The following SLC7A14 variants were observed in gnomAD, a reference collection of about 807,000 sequenced individuals.
SLC7A14 encodes gamma-aminobutyric acid transporter SLC7A14.
A neutral mutation model predicts 60.2 loss-of-function variants in SLC7A14; 37 were observed. The observed-to-expected ratio is 0.61, with a 90% CI of 0.47 to 0.81. The LOEUF is 0.81. Among genes scored for constraint, SLC7A14 ranks in the 30% least tolerant of loss-of-function variants. The pLI, the probability that SLC7A14 is intolerant of heterozygous loss-of-function variation, is 0.00. For missense variants in SLC7A14, 886 were observed against 982.7 expected, an observed-to-expected ratio of 0.90 and a Z score of 1.32; for synonymous variants, 399 against 395.8, an observed-to-expected ratio of 1.01 and a Z score of -0.10.
At chr3:170,575,445 G>A (rs927348368) in intron 1 of SLC7A14, among the ~76,000 whole-genome samples, 1 of 152,198 alleles carries the variant, frequency 6.6e-6, no homozygotes. Flanking sequence ...CTGTGTTTCT[G>A]AAGAGAATGC....
intron 4 of SLC7A14, among the ~76,000 whole-genome samples, chr3:170,497,431 G>A (rs535406972): frequency 7.3e-6 from 1 of 137,052 alleles, no homozygotes; most frequent in Non-Finnish European, 1.5e-5. Flanking sequence ...ACGGCATGGC[G>A]TGGTTCGGAA....
intron 1 of SLC7A14, among the ~76,000 whole-genome samples, chr3:170,529,875 C>G (rs1415983532): frequency 6.6e-6 from 1 of 152,138 alleles, no homozygotes; most frequent in East Asian, 1.9e-4. Flanking sequence ...TATGCCTCTA[C>G]AAGCAAAGGG....
rs567067226 is a variant in SLC7A14 at position 170,549,902 on chromosome 3, AG to A, written c.-152-22815del. 1.7e-4 allele frequency among the ~76,000 whole-genome samples: 26 copies of A among 152,330 alleles called. 2 individuals carry two copies. The South Asian group carries it at 5.2e-3, about 30-fold the overall frequency. On this transcript the variant is annotated intron_variant, in intron 1 of 7. Coordinates refer to ENST00000231706, the MANE Select transcript of SLC7A14 (RefSeq NM_020949.3). Reference sequence around the variant, plus strand: ...TTTACAAGTAAATCTTTATAATTCCAGGGGCAGAGGTCTGATGGGTGAAAGC... The same window carrying A: ...TTTACAAGTAAATCTTTATAATTCCAGGGCAGAGGTCTGATGGGTGAAAGC...
chr3:170,523,934 G>T (rs62293541), intron 2 of SLC7A14, among the ~76,000 whole-genome samples: 28,642 of 152,174 alleles, frequency 0.19, 3,252 homozygotes, highest in Middle Eastern at 0.31. Context: ...ATTGGCATAA[G>T]TTATGATATT....
intron 2 of SLC7A14, among the ~76,000 whole-genome samples, chr3:170,518,183 A>G (rs989454475): frequency 2.6e-5 from 4 of 152,160 alleles, no homozygotes; most frequent in South Asian, 4.1e-4. Flanking sequence ...GATGGGAAGG[A>G]GGTGCTACAT....
rs545934825 is a variant in SLC7A14, at chr3:170,539,553, A to G, written c.-152-12465T>C. Among the ~76,000 whole-genome samples the G allele has an allele frequency of 2.0e-5, 3 of 152,206 alleles. No individual in the cohort carries two copies. In the South Asian group the frequency reaches 6.2e-4, roughly 32 times the overall value. On this transcript the variant is annotated intron_variant, in intron 1 of 7. Coordinates refer to ENST00000231706, the MANE Select transcript of SLC7A14 (RefSeq NM_020949.3). ...TTATTTATTTAGTTTCGAGTAATTTATCTTGATTTGACATTTAATTGTTTA... is the reference window on the plus strand; with the variant it reads ...TTATTTATTTAGTTTCGAGTAATTTGTCTTGATTTGACATTTAATTGTTTA...
chr3:170,573,635 T>A (rs1577573400), intron 1 of SLC7A14, among the ~76,000 whole-genome samples: 1 of 152,190 alleles, frequency 6.6e-6, no homozygotes, highest in Non-Finnish European at 1.5e-5. Flanking sequence ...AAAGACTAGA[T>A]AAAGTCTCCA....
chr3:170,543,190 A>G (rs146573313), intron 1 of SLC7A14, among the ~76,000 whole-genome samples: 155 of 152,268 alleles, frequency 1.0e-3, no homozygotes, highest in Non-Finnish European at 1.5e-3. Flanking sequence ...TGATGACATA[A>G]AATCCCTGTG....
Position 170,483,344 on chromosome 3 carries a change from T to C in SLC7A14, c.1085A>G (p.Tyr362Cys). The C allele has an allele frequency of 6.2e-7, 1 of 1,614,106 alleles. No homozygotes were observed. The highest frequency in any genetic ancestry group is 8.5e-7 in the Non-Finnish European group (1 of 1,180,012). ...GSLFPMPRVI[Y>C]AMAGDGLLFR... Reference sequence around the variant, plus strand: ...AAGGAGCCCGTCACCAGCCATGGCATAAATGACCCTCGGCATCGGGAAGAG... The same window carrying C: ...AAGGAGCCCGTCACCAGCCATGGCACAAATGACCCTCGGCATCGGGAAGAG... The change falls in exon 6 of 8, where the codon TAT becomes TGT. Residue 362 changes from tyrosine (Y) to cysteine (C), a missense_variant. Tyr to Cys is a radical substitution (Grantham distance 194). Transcript: ENST00000231706.
intron 1 of SLC7A14, among the ~76,000 whole-genome samples, chr3:170,541,095 CT>C (rs11309000): frequency 0.03 from 4,594 of 152,216 alleles, 237 homozygotes; most frequent in African/African-American, 0.1. Flanking sequence ...GGAATATAAA[CT>C]GATATAAATG....
intron 1 of SLC7A14, among the ~76,000 whole-genome samples, chr3:170,557,888 G>C (rs141044719): frequency 5.8e-4 from 88 of 152,272 alleles, no homozygotes; most frequent in Middle Eastern, 3.4e-3. Flanking sequence ...TAGTGATCTT[G>C]AGCAAGACTT....
In SLC7A14 at chr3:170,526,932, C is replaced by T. The variant is rs763378150; in HGVS notation, c.5G>A (p.Ser2Asn). M[S>N]GFFTSLDPRR... ...GGGGTCCAGCGAGGTGAAGAAGCCA[C>T]TCATCTTGAGCGATAGGGGATGCAG... The change falls in exon 2 of 8, where the codon AGT becomes AAT. Residue 2 changes from serine to asparagine, a missense_variant. By Grantham distance (46) the Ser-to-Asn change is conservative. Transcript: ENST00000231706. 1.9e-6 allele frequency: 3 copies of T among 1,612,448 alleles called. No individual in the cohort carries two copies. Among genetic ancestry groups the T allele is most frequent in the Middle Eastern group, 1.7e-4 (1 of 5,914 alleles).
Position 170,545,754 on chromosome 3 carries a change from A to G in SLC7A14, c.-152-18666T>C, listed in dbSNP as rs182214289. 1.2e-3 allele frequency among the ~76,000 whole-genome samples: 186 copies of G among 152,362 alleles called. 1 individual carries two copies. The highest frequency in any genetic ancestry group is 4.2e-3 in the African/African-American group (175 of 41,586). ...CTTCTCCTGCCAAGAAAACTTTTCA[A>G]TTAGGTTCACATTAGCTGATATTAT... On this transcript the variant is annotated intron_variant, in intron 1 of 7. Coordinates refer to ENST00000231706, the MANE Select transcript of SLC7A14 (RefSeq NM_020949.3).
At position 170,517,299 on chromosome 3, in the gene SLC7A14, T is replaced by G. The variant is rs368787449; in HGVS notation, c.304+9334A>C. ...GTATTGGGACATTTGAGACAGCTAGTCTTTCAGAGATTTGAGGACTGGCAT... is the reference window on the plus strand; with the variant it reads ...GTATTGGGACATTTGAGACAGCTAGGCTTTCAGAGATTTGAGGACTGGCAT... On this transcript the variant is annotated intron_variant, in intron 2 of 7. Coordinates refer to ENST00000231706, the MANE Select transcript of SLC7A14 (RefSeq NM_020949.3). 5.9e-5 allele frequency among the ~76,000 whole-genome samples: 9 copies of G among 152,354 alleles called. No individual in the cohort carries two copies. The South Asian group carries it at 1.9e-3, about 32-fold the overall frequency.
intron 1 of SLC7A14, among the ~76,000 whole-genome samples, chr3:170,578,167 G>T (rs192795139): frequency 1.8e-3 from 273 of 152,348 alleles, no homozygotes; most frequent in African/African-American, 6.3e-3. Context: ...TCTATTTCTG[G>T]TGGTGTGGCT....
At chr3:170,555,291 A>G (rs2108307299) in intron 1 of SLC7A14, among the ~76,000 whole-genome samples, 1 of 152,070 alleles carries the variant, frequency 6.6e-6, no homozygotes, top group South Asian at 2.1e-4. Context: ...ATAATCACCC[A>G]TATTCCACTC....
intron 4 of SLC7A14, 39 bp from the exon 5 acceptor site, chr3:170,486,407 G>T (rs1188075258): frequency 1.2e-6 from 2 of 1,613,780 alleles, no homozygotes; most frequent in African/African-American, 1.3e-5. Context: ...CAGAAGATCG[G>T]GGTGGCACCT....
At chr3:170,554,949 A>G (rs1248874906) in intron 1 of SLC7A14, among the ~76,000 whole-genome samples, 2 of 152,052 alleles carry the variant, frequency 1.3e-5, no homozygotes, top group Admixed American at 6.6e-5. Flanking sequence ...TGGGCAGATC[A>G]TCAGGTCAGG....
intron 1 of SLC7A14, among the ~76,000 whole-genome samples, chr3:170,545,656 A>G (rs1462204173): frequency 1.3e-5 from 2 of 152,250 alleles, no homozygotes; most frequent in African/African-American, 4.8e-5. Context: ...TATGCCATAT[A>G]AACAAAAGTG....
Sources: allele counts gnomAD v4.1 joint callset (sites outside exome capture counted in the v4.1 genomes callset), GRCh38; gene constraint gnomAD v4.1.1; transcripts MANE v1.5; gene names NCBI Gene and HGNC (gene_info 2026-07-23, HGNC 2026-07-21).